CCDC73: variants seen among roughly 807,000 people sequenced by gnomAD.
CCDC73 encodes the protein coiled-coil domain containing 73.
A neutral mutation model predicts 116.5 loss-of-function variants in CCDC73; 95 were observed. The ratio of observed to expected loss-of-function variants is 0.82; its 90% CI spans 0.69 to 0.97. CCDC73 has a LOEUF of 0.97. CCDC73 is among the 50% of genes least tolerant of loss of function. The pLI is 0.00. For missense variants in CCDC73, 1,066 were observed against 1,206.8 expected, an observed-to-expected ratio of 0.88 and a Z score of 1.73; for synonymous variants, 398 against 401.3, an observed-to-expected ratio of 0.99 and a Z score of 0.10.
At chr11:32,705,433 C>T (rs905196284) in intron 3 of CCDC73, among the ~76,000 whole-genome samples, 3 of 152,206 alleles carry the variant, frequency 2.0e-5, no homozygotes, top group Non-Finnish European at 2.9e-5. Context: ...ACTTGCAGTA[C>T]GTCTGCTCCA....
Position 32,653,658 on chromosome 11 carries a change from C to A in CCDC73, c.834+320G>T, listed in dbSNP as rs556880287. 8.5e-5 allele frequency among the ~76,000 whole-genome samples: 13 copies of A among 152,196 alleles called. No homozygotes were observed. In the South Asian group the frequency reaches 2.7e-3, roughly 32 times the overall value. On this transcript the variant is annotated intron_variant, in intron 11 of 17. Coordinates refer to ENST00000335185, the MANE Select transcript of CCDC73 (RefSeq NM_001008391.4). Reference sequence around the variant, plus strand: ...CAGAAACAGGAGGAATATTCTTTCACACATATTTTAAAAAATGAATAATTG... The same window carrying A: ...CAGAAACAGGAGGAATATTCTTTCAAACATATTTTAAAAAATGAATAATTG...
intron 1 of CCDC73, among the ~76,000 whole-genome samples, chr11:32,790,032 G>A (rs1314672599): frequency 1.3e-5 from 2 of 152,148 alleles, no homozygotes; most frequent in African/African-American, 4.8e-5. Flanking sequence ...AGTAAAGGCA[G>A]AGATGGAAGA....
chr11:32,644,643 ATTTCC>A (rs1362838275), intron 12 of CCDC73, among the ~76,000 whole-genome samples: 3 of 152,050 alleles, frequency 2.0e-5, no homozygotes, highest in Non-Finnish European at 4.4e-5. Context: ...AGGAGCTCCC[ATTTCC>A]CCTCCCCAGT....
At chr11:32,606,427 G>A (rs1855351882) in intron 17 of CCDC73, among the ~76,000 whole-genome samples, 1 of 152,198 alleles carries the variant, frequency 6.6e-6, no homozygotes, top group Admixed American at 6.5e-5. Flanking sequence ...GGGTGTGACT[G>A]TGGTCTATTA....
chr11:32,630,355 G>C (rs1018693272), intron 14 of CCDC73, among the ~76,000 whole-genome samples: 1 of 151,920 alleles, frequency 6.6e-6, no homozygotes, highest in Admixed American at 6.6e-5. Context: ...TTGCGGGGAA[G>C]GGAGAGGGAG....
chr11:32,770,424 G>C (rs904926908), intron 1 of CCDC73, among the ~76,000 whole-genome samples: 1 of 152,020 alleles, frequency 6.6e-6, no homozygotes, highest in Non-Finnish European at 1.5e-5. Flanking sequence ...CATGGTAAAG[G>C]GGTGTAGATA....
chr11:32,825,113 A>T, the CCDC73 span, among the ~76,000 whole-genome samples: 1 of 152,206 alleles, frequency 6.6e-6, no homozygotes, highest in South Asian at 2.1e-4. Context: ...CAAAACTCTC[A>T]GTTTACACTT....
chr11:32,614,724 T>C lies in CCDC73; in HGVS notation c.1594A>G (p.Lys532Glu). 6.2e-7 allele frequency: 1 copy of C among 1,612,464 alleles called. No homozygotes were observed. Among genetic ancestry groups the C allele is most frequent in the Non-Finnish European group, 8.5e-7 (1 of 1,178,946 alleles). ...ACTACAAAATGATTATTTGGTGATTTAAATTCTGTACATCCATTGTCTTTT... is the reference window on the plus strand; with the variant it reads ...ACTACAAAATGATTATTTGGTGATTCAAATTCTGTACATCCATTGTCTTTT... ...LEKDNGCTEFKSPNNHFVVLD... is the reference protein window; with the variant it reads ...LEKDNGCTEFESPNNHFVVLD... The change falls in exon 16 of 18, where the codon AAA becomes GAA. Residue 532 changes from lysine (K) to glutamate (E), a missense_variant. Physicochemically the swap from Lys to Glu is moderately conservative, Grantham distance 56. Coordinates refer to ENST00000335185, the MANE Select transcript of CCDC73 (RefSeq NM_001008391.4).
At chr11:32,807,896 T>C in the CCDC73 span, among the ~76,000 whole-genome samples, 1 of 152,200 alleles carries the variant, frequency 6.6e-6, no homozygotes, top group African/African-American at 2.4e-5. Context: ...ATCAGAAGAA[T>C]GGCTCCCTCT....
At chr11:32,677,979 A>AC (rs1856105710) in intron 7 of CCDC73, among the ~76,000 whole-genome samples, 1 of 121,874 alleles carries the variant, frequency 8.2e-6, no homozygotes, top group Non-Finnish European at 1.8e-5. Flanking sequence ...AAAAAAAAAA[A>AC]CCCACAACCA....
At chr11:32,686,611 T>A (rs1307487785) in intron 6 of CCDC73, among the ~76,000 whole-genome samples, 1 of 152,158 alleles carries the variant, frequency 6.6e-6, no homozygotes, top group East Asian at 1.9e-4. Context: ...TCTGCTACCA[T>A]CAGTCAAAGA....
At chr11:32,682,383 A>AT (rs1856153319) in intron 7 of CCDC73, 1 of 151,890 alleles carries the variant, frequency 6.6e-6, no homozygotes, top group Non-Finnish European at 1.5e-5. Context: ...TGACAATATT[A>AT]TTTTTATTCT....
At chr11:32,783,592 T>C (rs1565100883) in intron 1 of CCDC73, among the ~76,000 whole-genome samples, 2 of 152,154 alleles carry the variant, frequency 1.3e-5, no homozygotes, top group Admixed American at 6.5e-5. Context: ...TGTCCTCACA[T>C]GGTGGAAGGG....
intron 7 of CCDC73, among the ~76,000 whole-genome samples, chr11:32,679,051 T>G (rs1398889002): frequency 6.6e-6 from 1 of 152,124 alleles, no homozygotes; most frequent in Admixed American, 6.6e-5. Context: ...ATATTATTGG[T>G]AATAATTATG....
At chr11:32,829,942 C>A in the CCDC73 span, 1 of 985,488 alleles carries the variant, frequency 1.0e-6, no homozygotes, top group Non-Finnish European at 1.2e-6. Flanking sequence ...TCGGCCGCCT[C>A]CCCGGACCGA....
the CCDC73 span, among the ~76,000 whole-genome samples, chr11:32,809,075 C>T: frequency 9.3e-4 from 142 of 152,292 alleles, 1 homozygote; most frequent in South Asian, 3.7e-3. Flanking sequence ...TATTTACAAG[C>T]TCATTATGAT....
chr11:32,602,919 A>G lies in CCDC73; in HGVS notation c.3132T>C (p.Ile1044=). The change falls in exon 18 of 18, where the codon ATT becomes ATC. Residue 1044 remains isoleucine, a synonymous_variant. Transcript: ENST00000335185. ...TTTCACTTTTATTTAGTTGATTCGT[A>G]ATGAGGCTCTGCCAGTCATCATCAC... The part of the protein sequence containing the change: ...TSGDDDWQSL[I]TNQLNKSENL... The G allele has an allele frequency of 6.2e-7, 1 of 1,612,950 alleles. No homozygotes were observed. The highest frequency in any genetic ancestry group is 1.7e-5 in the Admixed American group (1 of 59,936).
intron 17 of CCDC73, among the ~76,000 whole-genome samples, chr11:32,607,929 G>A (rs936273747): frequency 3.9e-5 from 6 of 152,064 alleles, no homozygotes; most frequent in Non-Finnish European, 1.5e-5. Flanking sequence ...GCTTGTGCAG[G>A]GCAACTCCCA....
chr11:32,753,305 T>C lies in CCDC73; in HGVS notation c.135+6804A>G, dbSNP rs552807799. Among the ~76,000 whole-genome samples the C allele has an allele frequency of 6.0e-5, 9 of 151,030 alleles. No homozygotes were observed. The South Asian group carries it at 1.5e-3, about 25-fold the overall frequency. ...TTTTTCTTTTCTGCTTTTTTTTTTT[T>C]TTTTCTTTTTGAGACAAGCTCTTGC... On this transcript the variant is annotated intron_variant, in intron 2 of 17. Coordinates refer to ENST00000335185, the MANE Select transcript of CCDC73 (RefSeq NM_001008391.4).
Sources: allele counts gnomAD v4.1 joint callset (sites outside exome capture counted in the v4.1 genomes callset), GRCh38; gene constraint gnomAD v4.1.1; transcripts MANE v1.5; gene names NCBI Gene and HGNC (gene_info 2026-07-23, HGNC 2026-07-21).